The following DGCR2 variants were observed in gnomAD, a reference collection of about 807,000 sequenced individuals.
DGCR2 encodes the protein integral membrane protein DGCR2/IDD.
Under a neutral mutation model 51.6 loss-of-function variants are expected in DGCR2, and 24 were observed. The ratio of observed to expected loss-of-function variants is 0.47; its 90% CI spans 0.34 to 0.65. The LOEUF is 0.65. Ranked by LOEUF, DGCR2 falls within the 30% of genes least tolerant of loss-of-function variation. The pLI, the probability that DGCR2 is intolerant of heterozygous loss-of-function variation, is 0.01. For missense variants in DGCR2, 765 were observed against 772.1 expected (o/e 0.99, Z 0.11); for synonymous variants, 340 against 315.4 (o/e 1.08, Z -0.82).
chr22:19,104,426 T>C (rs2083240823), intron 1 of DGCR2, among the ~76,000 whole-genome samples: 1 of 152,196 alleles, frequency 6.6e-6, no homozygotes, highest in African/African-American at 2.4e-5. Flanking sequence ...GTGTGAAATT[T>C]AGTATGCTGC....
chr22:19,044,764 T>G (rs930559707), intron 7 of DGCR2, among the ~76,000 whole-genome samples: 7 of 152,280 alleles, frequency 4.6e-5, no homozygotes, highest in Admixed American at 2.0e-4. Context: ...CTGACTGTCA[T>G]CCTATATCTT....
intron 6 of DGCR2, among the ~76,000 whole-genome samples, chr22:19,051,188 C>CAAAA (rs61277487): frequency 3.6e-3 from 194 of 54,368 alleles, no homozygotes; most frequent in African/African-American, 4.8e-3. Context: ...AATTCTGTCA[C>CAAAA]AAAAAAAAAA....
chr22:19,080,430 CT>C (rs1175552975), intron 2 of DGCR2, among the ~76,000 whole-genome samples: 1 of 152,164 alleles, frequency 6.6e-6, no homozygotes, highest in Non-Finnish European at 1.5e-5. Context: ...GTTTTACATT[CT>C]TTTTTTGTAC....
In DGCR2 at chr22:19,084,642, G is replaced by A. The variant is rs1279108697; in HGVS notation, c.202+4726C>T. ...TGGGAAGTGAGGAGCGTCTCCGCCCGGCAGCCACCCCATCCGGGAGGGAGG... is the reference window on the plus strand; with the variant it reads ...TGGGAAGTGAGGAGCGTCTCCGCCCAGCAGCCACCCCATCCGGGAGGGAGG... On this transcript the variant is annotated intron_variant, in intron 2 of 9. Coordinates refer to ENST00000263196, the MANE Select transcript of DGCR2 (RefSeq NM_005137.3). Among the ~76,000 whole-genome samples the A allele has an allele frequency of 1.3e-4, 19 of 147,506 alleles. No individual in the cohort carries two copies. In the South Asian group the frequency reaches 2.6e-3, roughly 20 times the overall value.
intron 6 of DGCR2, 149 bp from the exon 7 acceptor site, chr22:19,048,792 G>T: frequency 1.3e-6 from 1 of 761,408 alleles, no homozygotes; most frequent in Non-Finnish European, 2.2e-6. Flanking sequence ...GCAGCTGGAG[G>T]GGGCATGTGA....
At chr22:19,053,477 C>T (rs2082570227) in intron 6 of DGCR2, among the ~76,000 whole-genome samples, 1 of 152,128 alleles carries the variant, frequency 6.6e-6, no homozygotes, top group Non-Finnish European at 1.5e-5. Flanking sequence ...GCCTGAGGTG[C>T]ACTGAGGGCA....
chr22:19,060,868 C>A, intron 5 of DGCR2: 1 of 516,192 alleles, frequency 1.9e-6, no homozygotes, highest in South Asian at 1.4e-5. Flanking sequence ...CCTGCGGAAA[C>A]GAGCTCCCAA....
At chr22:19,081,375 G>T (rs1046242346) in intron 2 of DGCR2, among the ~76,000 whole-genome samples, 1 of 151,954 alleles carries the variant, frequency 6.6e-6, no homozygotes, top group Non-Finnish European at 1.5e-5. Flanking sequence ...GTAATATAAC[G>T]ATCTGTTTTG....
chr22:19,067,037 C>T (rs948696624), intron 3 of DGCR2, among the ~76,000 whole-genome samples: 11 of 152,218 alleles, frequency 7.2e-5, no homozygotes, highest in Non-Finnish European at 1.0e-4. Flanking sequence ...CTGCTTCAGC[C>T]GCACCAACAT....
At chr22:19,055,052 G>A (rs2082586831) in intron 6 of DGCR2, among the ~76,000 whole-genome samples, 1 of 152,254 alleles carries the variant, frequency 6.6e-6, no homozygotes, top group Non-Finnish European at 1.5e-5. Context: ...GGAGGCAGAG[G>A]TTACAGTGAG....
At chr22:19,050,368 A>G (rs758670631) in intron 6 of DGCR2, among the ~76,000 whole-genome samples, 2 of 152,254 alleles carry the variant, frequency 1.3e-5, no homozygotes, top group African/African-American at 2.4e-5. Flanking sequence ...TCCAGCAAAG[A>G]TATCTTCTGA....
At position 19,039,776 on chromosome 22, in the gene DGCR2, G is replaced by A. The variant is rs773834723; in HGVS notation, c.1397-655C>T. Among the ~76,000 whole-genome samples the A allele has an allele frequency of 6.6e-5, 10 of 152,182 alleles. 1 individual carries two copies. The highest frequency in any genetic ancestry group is 6.8e-3 in the Middle Eastern group (2 of 294). Reference sequence around the variant, plus strand: ...AGATTGCACACTGGTGTGCAGTGACGTGACCATGGCTCATGACAGCCTTGA... The same window carrying A: ...AGATTGCACACTGGTGTGCAGTGACATGACCATGGCTCATGACAGCCTTGA... On this transcript the variant is annotated intron_variant, in intron 9 of 9. Coordinates refer to ENST00000263196, the MANE Select transcript of DGCR2 (RefSeq NM_005137.3).
At chr22:19,077,986 A>T (rs1362826231) in intron 2 of DGCR2, among the ~76,000 whole-genome samples, 4 of 151,946 alleles carry the variant, frequency 2.6e-5, no homozygotes, top group Admixed American at 2.0e-4. Context: ...ACCTCACCAC[A>T]CCCAGCTAAG....
chr22:19,075,519 C>A (rs894344121), intron 2 of DGCR2, among the ~76,000 whole-genome samples: 2 of 152,102 alleles, frequency 1.3e-5, no homozygotes, highest in East Asian at 3.8e-4. Flanking sequence ...ACAACCATCA[C>A]CACCATCCAT....
chr22:19,059,867 G>A (rs112981643), intron 5 of DGCR2, among the ~76,000 whole-genome samples: 3 of 152,168 alleles, frequency 2.0e-5, no homozygotes, highest in South Asian at 2.1e-4. Flanking sequence ...ACCGCTGCTC[G>A]CCGAGCCTGG....
chr22:19,062,926 G>A (rs900328413), intron 5 of DGCR2, among the ~76,000 whole-genome samples: 16 of 151,966 alleles, frequency 1.1e-4, no homozygotes, highest in Admixed American at 6.6e-5. Flanking sequence ...ATACTCCAAG[G>A]TCTTTAACTT....
chr22:19,111,311 C>T (rs556622217), intron 1 of DGCR2, among the ~76,000 whole-genome samples: 2 of 152,316 alleles, frequency 1.3e-5, no homozygotes, highest in South Asian at 2.1e-4. Flanking sequence ...TGAACACTAG[C>T]GATGCCCAAC....
intron 2 of DGCR2, among the ~76,000 whole-genome samples, chr22:19,070,890 G>C (rs1171366082): frequency 2.0e-5 from 3 of 152,244 alleles, no homozygotes; most frequent in African/African-American, 7.2e-5. Context: ...GAAGGGGAAG[G>C]GCTTGGCTGT....
At chr22:19,061,900 G>A (rs1381947371) in intron 5 of DGCR2, 1 of 152,072 alleles carries the variant, frequency 6.6e-6, no homozygotes, top group Non-Finnish European at 1.5e-5. Flanking sequence ...TAAATTTTAG[G>A]TTCACTCTCC....
Sources: gnomAD v4.1 joint callset for allele counts (sites outside exome capture counted in the v4.1 genomes callset) on GRCh38, gnomAD v4.1.1 for gene constraint, MANE v1.5 for transcripts, NCBI Gene and HGNC (gene_info 2026-07-23, HGNC 2026-07-21) for gene names.